The following SAMMSON variants were observed in gnomAD, a reference collection of about 807,000 sequenced individuals.
The protein encoded by SAMMSON is survival associated mitochondrial melanoma specific oncogenic non-coding RNA.
intron 3 of SAMMSON, among the ~76,000 whole-genome samples, chr3:70,052,863 T>C (rs775197500): frequency 6.6e-6 from 1 of 152,124 alleles, no homozygotes; most frequent in Non-Finnish European, 1.5e-5. Flanking sequence ...GATTGATATA[T>C]ATGTATTCCA....
intron 3 of SAMMSON, among the ~76,000 whole-genome samples, chr3:70,045,140 T>C: frequency 7.6e-6 from 1 of 130,754 alleles, no homozygotes; most frequent in East Asian, 2.0e-4. Context: ...TATATTATAA[T>C]TTATATATAT....
At chr3:70,100,529 G>C (rs76644009) in intron 4 of SAMMSON, among the ~76,000 whole-genome samples, 3 of 196 alleles carry the variant, frequency 0.015, no homozygotes, top group African/African-American at 0.026. Context: ...GGGGGGGGGG[G>C]GGGGAAGCAC....
At chr3:70,123,378 C>T (rs1206835480) in intron 4 of SAMMSON, among the ~76,000 whole-genome samples, 1 of 152,214 alleles carries the variant, frequency 6.6e-6, no homozygotes, top group Non-Finnish European at 1.5e-5. Context: ...GCAATTGATT[C>T]TTGTGCCTCA....
intron 4 of SAMMSON, among the ~76,000 whole-genome samples, chr3:70,209,848 A>G (rs988826408): frequency 2.0e-5 from 3 of 152,198 alleles, no homozygotes; most frequent in Non-Finnish European, 4.4e-5. Context: ...TTCCCTTAGC[A>G]GTCTTTGCAA....
chr3:70,069,049 G>A (rs901439139), intron 3 of SAMMSON: 1 of 152,082 alleles, frequency 6.6e-6, no homozygotes, highest in Non-Finnish European at 1.5e-5. Context: ...CACCCACTTA[G>A]TTGCTCTAGT....
chr3:70,314,771 G>T (rs941715937), intron 7 of SAMMSON, among the ~76,000 whole-genome samples: 2 of 151,976 alleles, frequency 1.3e-5, no homozygotes, highest in Non-Finnish European at 2.9e-5. Flanking sequence ...TCTTTGTAAG[G>T]TTACAAGTCA....
intron 7 of SAMMSON, among the ~76,000 whole-genome samples, chr3:70,353,185 T>A (rs1382455668): frequency 6.6e-6 from 1 of 152,006 alleles, no homozygotes; most frequent in East Asian, 1.9e-4. Context: ...AAGGAAAAAT[T>A]GATACATTGG....
rs189096896 is a variant in SAMMSON, at chr3:70,319,626, G to C, written n.739+28383G>C. 2.6e-5 allele frequency among the ~76,000 whole-genome samples: 4 copies of C among 152,160 alleles called. No individual in the cohort carries two copies. The East Asian group carries it at 7.7e-4, about 29-fold the overall frequency. ...TTCACTTTATTTTAAGTTTTAGAAG[G>C]ATAGTAGTTTTTAATGTAAGTCTTT... On this transcript the variant is annotated intron_variant and non_coding_transcript_variant, in intron 7 of 9. Transcript: ENST00000642114.
chr3:70,243,684 A>G (rs1701680947), intron 4 of SAMMSON, among the ~76,000 whole-genome samples: 1 of 152,130 alleles, frequency 6.6e-6, no homozygotes, highest in South Asian at 2.1e-4. Context: ...CAACGTCTCC[A>G]GGTATTCCTA....
At chr3:70,319,240 C>T (rs1017915461) in intron 7 of SAMMSON, among the ~76,000 whole-genome samples, 2 of 152,022 alleles carry the variant, frequency 1.3e-5, no homozygotes, top group Admixed American at 1.3e-4. Context: ...AGCAAGTCTG[C>T]CACTAAATTT....
At chr3:70,191,921 C>A (rs1356784674) in intron 4 of SAMMSON, among the ~76,000 whole-genome samples, 1 of 149,378 alleles carries the variant, frequency 6.7e-6, no homozygotes, top group Non-Finnish European at 1.5e-5. Context: ...ATAAAATCTA[C>A]TTTAGACGGC....
chr3:70,100,235 C>T (rs2067338403), intron 4 of SAMMSON, among the ~76,000 whole-genome samples: 1 of 152,068 alleles, frequency 6.6e-6, no homozygotes, highest in African/African-American at 2.4e-5. Context: ...CAGCCTCAAC[C>T]TCCCAGGCTC....
chr3:70,395,331 C>CT (rs71126501), intron 2 of SAMMSON, among the ~76,000 whole-genome samples: 14,133 of 113,470 alleles, frequency 0.12, 1,343 homozygotes, highest in East Asian at 0.42. Flanking sequence ...CTCTCTCTCT[C>CT]TTTTTTTTTT....
At chr3:70,383,348 A>AAT (rs908964973) in intron 9 of SAMMSON, among the ~76,000 whole-genome samples, 4 of 31,066 alleles carry the variant, frequency 1.3e-4, no homozygotes, top group African/African-American at 2.4e-4. Context: ...AAATAAAAAT[A>AAT]AAAAAAAAAA....
intron 4 of SAMMSON, among the ~76,000 whole-genome samples, chr3:70,079,040 A>C (rs1297332502): frequency 1.3e-5 from 2 of 152,206 alleles, no homozygotes; most frequent in Admixed American, 1.3e-4. Flanking sequence ...TTTGCACTGA[A>C]GAGCAGAATT....
At chr3:70,161,345 T>C (rs1397293485) in intron 4 of SAMMSON, among the ~76,000 whole-genome samples, 9 of 152,042 alleles carry the variant, frequency 5.9e-5, no homozygotes, top group Non-Finnish European at 1.0e-4. Context: ...AGGAAATTCC[T>C]GCCTATTCCA....
chr3:70,404,568 A>G (rs1023041541), intron 2 of SAMMSON, among the ~76,000 whole-genome samples: 2 of 152,192 alleles, frequency 1.3e-5, no homozygotes, highest in African/African-American at 2.4e-5. Flanking sequence ...GAGTCCTCAT[A>G]TTAAGTAGGT....
chr3:70,140,723 A>G (rs2067524415), intron 4 of SAMMSON, among the ~76,000 whole-genome samples: 1 of 152,184 alleles, frequency 6.6e-6, no homozygotes, highest in Admixed American at 6.5e-5. Flanking sequence ...TTGCTCACAA[A>G]TTCTACCTTC....
chr3:70,043,730 T>C (rs2067114099), intron 3 of SAMMSON, among the ~76,000 whole-genome samples: 2 of 152,154 alleles, frequency 1.3e-5, no homozygotes, highest in South Asian at 4.1e-4. Context: ...CTTCAGTCTT[T>C]TGTGTTGGTT....
Sources: allele counts gnomAD v4.1 joint callset (sites outside exome capture counted in the v4.1 genomes callset), GRCh38; gene constraint gnomAD v4.1.1; transcripts MANE v1.5; gene names NCBI Gene and HGNC (gene_info 2026-07-23, HGNC 2026-07-21).